Variants in COP1 observed in about 807,000 individuals in gnomAD.
COP1 encodes the protein E3 ubiquitin-protein ligase COP1.
In COP1, 24 loss-of-function variants were observed where a neutral mutation model predicts 101.3. The ratio of observed to expected loss-of-function variants is 0.24; its 90% CI spans 0.17 to 0.33. The LOEUF (loss-of-function observed/expected upper bound fraction) is 0.33. COP1 is among the 10% of genes least tolerant of loss of function. The pLI, the probability that COP1 is intolerant of heterozygous loss-of-function variation, is 1.00. For synonymous variants in COP1, 347 were observed against 341.9 expected (o/e 1.01, Z -0.17); for missense variants, 663 against 906.2 (o/e 0.73, Z 3.45).
intron 18 of COP1, among the ~76,000 whole-genome samples, chr1:175,968,701 TATTCAG>T (rs2148587014): frequency 1.3e-5 from 2 of 152,328 alleles, no homozygotes; most frequent in East Asian, 3.9e-4. Context: ...AAGTGATCCT[TATTCAG>T]GGAGAAAAGG....
chr1:175,985,609 C>T (rs370872747), intron 18 of COP1, among the ~76,000 whole-genome samples: 1 of 152,164 alleles, frequency 6.6e-6, no homozygotes, highest in South Asian at 2.1e-4. Flanking sequence ...GCACTTTCAC[C>T]CACCCCACCA....
intron 14 of COP1, among the ~76,000 whole-genome samples, chr1:176,042,758 C>T (rs1213214317): frequency 7.3e-6 from 1 of 136,692 alleles, no homozygotes; most frequent in Admixed American, 7.6e-5. Context: ...AAAAAAGTGG[C>T]TCACATCTGT....
chr1:176,204,561 T>A (rs192444063), intron 1 of COP1, among the ~76,000 whole-genome samples: 2 of 151,504 alleles, frequency 1.3e-5, no homozygotes, highest in Admixed American at 1.3e-4. Flanking sequence ...AGATTCTCAT[T>A]AATTAATTCT....
At chr1:176,024,682 T>C (rs767922781) in intron 15 of COP1, among the ~76,000 whole-genome samples, 2 of 152,204 alleles carry the variant, frequency 1.3e-5, no homozygotes, top group African/African-American at 4.8e-5. Context: ...GATATGATTC[T>C]ACGTGTAGAA....
intron 2 of COP1, among the ~76,000 whole-genome samples, chr1:176,183,206 G>A (rs977314932): frequency 1.5e-4 from 23 of 152,150 alleles, no homozygotes; most frequent in African/African-American, 5.6e-4. Flanking sequence ...TTACAGACTA[G>A]TGTTAATACC....
chr1:176,151,551 G>C (rs1692595621), intron 5 of COP1, among the ~76,000 whole-genome samples: 1 of 152,184 alleles, frequency 6.6e-6, no homozygotes, highest in East Asian at 1.9e-4. Context: ...AATATGCTTC[G>C]AGTTTTTATA....
chr1:176,169,590 T>G (rs1001072134), intron 3 of COP1, among the ~76,000 whole-genome samples: 3 of 152,198 alleles, frequency 2.0e-5, no homozygotes, highest in South Asian at 2.1e-4. Context: ...TTAAAAAAAG[T>G]ATTAATATAT....
intron 11 of COP1, among the ~76,000 whole-genome samples, chr1:176,057,269 T>G (rs950616759): frequency 1.3e-5 from 2 of 152,194 alleles, no homozygotes; most frequent in Non-Finnish European, 2.9e-5. Context: ...TTTGCTATAA[T>G]AAGAACTTAA....
In COP1 at chr1:176,089,699, A is replaced by G. The variant is rs145023952; in HGVS notation, c.1027-3809T>C. Among the ~76,000 whole-genome samples the G allele has an allele frequency of 2.2e-3, 328 of 152,336 alleles. 1 individual carries two copies. Among genetic ancestry groups the G allele is most frequent in the African/African-American group, 7.5e-3 (312 of 41,580 alleles). On this transcript the variant is annotated intron_variant, in intron 9 of 19. Transcript: ENST00000367669. ...CTCTGAGTTTTTTTCTTTCTTGCCC[A>G]AATTCCTATTTAAGGAGACTGCAGT...
At chr1:176,008,333 C>G (rs570020904) in intron 15 of COP1, among the ~76,000 whole-genome samples, 1 of 152,120 alleles carries the variant, frequency 6.6e-6, no homozygotes, top group Non-Finnish European at 1.5e-5. Flanking sequence ...AGCTGTAGAC[C>G]GGAGCTGTTC....
Position 176,206,806 on chromosome 1 carries a change from G to C in COP1, c.173C>G (p.Ser58Trp). Residue 58 changes from serine (S) to tryptophan (W), a missense_variant, in exon 1 of 20, where the codon TCG becomes TGG. Ser to Trp is a radical substitution (Grantham distance 177). This residue lies in a region of COP1 where 204 missense variants were observed against 203.6 expected (regional missense o/e 1.00). Coordinates refer to ENST00000367669, the MANE Select transcript of COP1 (RefSeq NM_022457.7). ...VSGGVAQAAG[S>W]GGLGGPVRPV... ...CCGCACCGGGCCCCCGAGGCCGCCCGAGCCGGCGGCCTGGGCCACCCCGCC... is the reference window on the plus strand; with the variant it reads ...CCGCACCGGGCCCCCGAGGCCGCCCCAGCCGGCGGCCTGGGCCACCCCGCC... 1 of 1,382,388 alleles carries C rather than the reference G, an allele frequency of 7.2e-7. No homozygotes were observed. Among genetic ancestry groups the C allele is most frequent in the South Asian group, 1.7e-5 (1 of 60,264 alleles). 85.6% of individuals were successfully genotyped at this position (1,382,388 alleles called of 1,614,324 possible). A position where few individuals can be genotyped will look rare whatever the true frequency, so the allele number is the denominator to read the frequency against.
At chr1:176,160,279 TTTTTAC>T in intron 5 of COP1, 1 of 408,492 alleles carries the variant, frequency 2.4e-6, no homozygotes, top group Middle Eastern at 5.8e-4. Flanking sequence ...TTTTTTTTTT[TTTTTAC>T]TTTAAGTTCT....
At chr1:175,971,313 G>C (rs1462498535) in intron 18 of COP1, among the ~76,000 whole-genome samples, 4 of 152,126 alleles carry the variant, frequency 2.6e-5, no homozygotes, top group Non-Finnish European at 5.9e-5. Flanking sequence ...GAGTCTTACA[G>C]TAAGTTCTTA....
At position 176,207,023 on chromosome 1, in the gene COP1, G is replaced by C; in HGVS notation, c.-45C>G. On this transcript the variant is annotated 5_prime_UTR_variant, in exon 1 of 20. Coordinates refer to ENST00000367669, the MANE Select transcript of COP1 (RefSeq NM_022457.7). ...GCCGGGCGCTCGGAGGAGAGGGACCGCGACCTCGACCCTCCGCCGCCTCCC... is the reference window on the plus strand; with the variant it reads ...GCCGGGCGCTCGGAGGAGAGGGACCCCGACCTCGACCCTCCGCCGCCTCCC... The C allele has an allele frequency of 7.4e-7, 1 of 1,351,946 alleles. No individual in the cohort carries two copies. Among genetic ancestry groups the C allele is most frequent in the Non-Finnish European group, 9.5e-7 (1 of 1,053,642 alleles). 83.7% of individuals were successfully genotyped at this position (1,351,946 alleles called of 1,614,324 possible).
At chr1:176,042,520 C>CTGCG (rs1374119641) in intron 14 of COP1, among the ~76,000 whole-genome samples, 1 of 137,934 alleles carries the variant, frequency 7.2e-6, no homozygotes, top group Admixed American at 7.1e-5. Context: ...CCGAGATCAC[C>CTGCG]CCACTGCACT....
At chr1:175,982,746 G>A (rs574016519) in intron 18 of COP1, among the ~76,000 whole-genome samples, 6 of 152,238 alleles carry the variant, frequency 3.9e-5, no homozygotes, top group African/African-American at 1.4e-4. Flanking sequence ...TGAACTTGGA[G>A]GACATTATGC....
chr1:176,159,141 T>C (rs1476332022), intron 5 of COP1, among the ~76,000 whole-genome samples: 1 of 152,162 alleles, frequency 6.6e-6, no homozygotes, highest in African/African-American at 2.4e-5. Flanking sequence ...TAGAATTCAA[T>C]TACCAAAATA....
In COP1 at chr1:176,125,953, C is replaced by A. The variant is rs1227289629; in HGVS notation, c.968+9057G>T. 2.0e-5 allele frequency among the ~76,000 whole-genome samples: 3 copies of A among 151,944 alleles called. 1 individual carries two copies. Among genetic ancestry groups the A allele is most frequent in the African/African-American group, 7.3e-5 (3 of 41,366 alleles). ...ATATCTTTCACTTCTTTGGTTAATT[C>A]CTAAGTATTTAATTTTATTTGTGGC... is the stretch of plus-strand genomic sequence containing the variant. On this transcript the variant is annotated intron_variant, in intron 8 of 19. Transcript: ENST00000367669.
intron 11 of COP1, among the ~76,000 whole-genome samples, chr1:176,071,202 A>T (rs1181723167): frequency 1.3e-5 from 2 of 152,060 alleles, no homozygotes; most frequent in Admixed American, 6.6e-5. Flanking sequence ...TGGTCATTTT[A>T]AAAATGTGTG....
Sources: gnomAD v4.1 joint callset for allele counts (sites outside exome capture counted in the v4.1 genomes callset) on GRCh38, gnomAD v4.1.1 for gene constraint, gnomAD v4.1.1 regional missense constraint, MANE v1.5 for transcripts, NCBI Gene and HGNC (gene_info 2026-07-23, HGNC 2026-07-21) for gene names.